The following RNGTT variants were observed in gnomAD, a reference collection of about 807,000 sequenced individuals.
RNGTT encodes the protein RNA guanylyltransferase and 5'-phosphatase.
Under a neutral mutation model 79.3 loss-of-function variants are expected in RNGTT, and 33 were observed. That is an observed-to-expected ratio of 0.42 (90% CI 0.32 to 0.56). The LOEUF is 0.56. RNGTT is among the 20% of genes least tolerant of loss of function. RNGTT has a pLI of 0.17. For missense variants in RNGTT, 497 were observed against 739.1 expected, an observed-to-expected ratio of 0.67 and a Z score of 3.80; for synonymous variants, 222 against 235.9, an observed-to-expected ratio of 0.94 and a Z score of 0.54.
At chr6:88,644,652 T>C (rs28866172) in intron 14 of RNGTT, among the ~76,000 whole-genome samples, 12,002 of 152,034 alleles carry the variant, frequency 0.079, 722 homozygotes, top group Non-Finnish European at 0.11. Flanking sequence ...AGCTTATCCA[T>C]CATGATCAAG....
intron 6 of RNGTT, among the ~76,000 whole-genome samples, chr6:88,893,334 A>G (rs1783116777): frequency 6.6e-6 from 1 of 152,094 alleles, no homozygotes; most frequent in Non-Finnish European, 1.5e-5. Flanking sequence ...GTTTTACACA[A>G]AGAAAGTCTC....
chr6:88,886,031 C>T lies in RNGTT; in HGVS notation c.896+4464G>A, dbSNP rs528828669. 1.2e-4 allele frequency among the ~76,000 whole-genome samples: 18 copies of T among 152,270 alleles called. No homozygotes were observed. In the South Asian group the frequency reaches 3.3e-3, roughly 28 times the overall value. On this transcript the variant is annotated intron_variant, in intron 8 of 15. Transcript: ENST00000369485. Reference sequence around the variant, plus strand: ...CTAAAGAATTATTGCAGAGGCCGGGCGCGGTGGCTCACACCTGTAATCCCA... The same window carrying T: ...CTAAAGAATTATTGCAGAGGCCGGGTGCGGTGGCTCACACCTGTAATCCCA...
intron 14 of RNGTT, among the ~76,000 whole-genome samples, chr6:88,626,884 T>G (rs1772653736): frequency 6.6e-6 from 1 of 152,036 alleles, no homozygotes; most frequent in Non-Finnish European, 1.5e-5. Flanking sequence ...GGTAATGACT[T>G]ACTAAACAGA....
At chr6:88,807,496 A>G (rs1020534581) in intron 11 of RNGTT, among the ~76,000 whole-genome samples, 1 of 152,294 alleles carries the variant, frequency 6.6e-6, no homozygotes, top group Middle Eastern at 3.4e-3. Flanking sequence ...GAAGAAACGT[A>G]CGTGGCACTT....
chr6:88,809,051 G>A (rs1780051823), intron 11 of RNGTT, among the ~76,000 whole-genome samples: 1 of 151,866 alleles, frequency 6.6e-6, no homozygotes, highest in Non-Finnish European at 1.5e-5. Context: ...GATGGAAAAA[G>A]ATGTCAAATT....
intron 13 of RNGTT, among the ~76,000 whole-genome samples, chr6:88,687,286 A>C (rs947163388): frequency 1.1e-4 from 16 of 152,164 alleles, no homozygotes; most frequent in African/African-American, 3.6e-4. Flanking sequence ...TGGACCACAC[A>C]TTCTGCTGGC....
intron 14 of RNGTT, among the ~76,000 whole-genome samples, chr6:88,628,884 A>C (rs1245004513): frequency 6.6e-6 from 1 of 152,204 alleles, no homozygotes; most frequent in African/African-American, 2.4e-5. Context: ...AAGGGAGTTC[A>C]GCTAATGGAG....
At chr6:88,864,340 A>C (rs1782102325) in intron 8 of RNGTT, among the ~76,000 whole-genome samples, 1 of 152,174 alleles carries the variant, frequency 6.6e-6, no homozygotes, top group Non-Finnish European at 1.5e-5. Context: ...GAAATGCAAC[A>C]AACACTAATA....
intron 14 of RNGTT, among the ~76,000 whole-genome samples, chr6:88,637,736 G>A (rs1012959364): frequency 2.0e-5 from 3 of 152,224 alleles, no homozygotes; most frequent in African/African-American, 7.2e-5. Flanking sequence ...ATCCCAAGAT[G>A]ATAAAATAAG....
chr6:88,734,700 G>T (rs2127821610), intron 13 of RNGTT, among the ~76,000 whole-genome samples: 1 of 152,256 alleles, frequency 6.6e-6, no homozygotes, highest in East Asian at 1.9e-4. Context: ...CAGTTGAAAT[G>T]ACAATTTTTC....
At chr6:88,675,842 A>G (rs1467159863) in intron 14 of RNGTT, among the ~76,000 whole-genome samples, 1 of 152,238 alleles carries the variant, frequency 6.6e-6, no homozygotes, top group Non-Finnish European at 1.5e-5. Context: ...TAAAAAATAC[A>G]AAATAGATAA....
chr6:88,939,406 T>A (rs1474396904), intron 2 of RNGTT, among the ~76,000 whole-genome samples: 2 of 152,188 alleles, frequency 1.3e-5, no homozygotes, highest in Non-Finnish European at 2.9e-5. Flanking sequence ...AGCTTTGATC[T>A]ATTTTCTATT....
chr6:88,854,931 T>C (rs932813370), intron 8 of RNGTT, among the ~76,000 whole-genome samples: 3 of 152,020 alleles, frequency 2.0e-5, no homozygotes, highest in Non-Finnish European at 4.4e-5. Context: ...GGGGTGAAAA[T>C]GAAGATCAAA....
chr6:88,795,522 G>C (rs146978448), intron 12 of RNGTT, among the ~76,000 whole-genome samples: 2 of 152,178 alleles, frequency 1.3e-5, no homozygotes, highest in African/African-American at 4.8e-5. Context: ...TCACACACTG[G>C]GGCATGTTGT....
intron 13 of RNGTT, among the ~76,000 whole-genome samples, chr6:88,694,769 T>C (rs1306223688): frequency 2.0e-5 from 3 of 152,230 alleles, no homozygotes; most frequent in South Asian, 2.1e-4. Flanking sequence ...TGGAAGAGAA[T>C]AGACAGCTCA....
intron 8 of RNGTT, among the ~76,000 whole-genome samples, chr6:88,857,108 ACCAAAACTG>A (rs1432562955): frequency 2.0e-5 from 3 of 152,136 alleles, no homozygotes; most frequent in Non-Finnish European, 4.4e-5. Flanking sequence ...CAGGTTTTCT[ACCAAAACTG>A]GAAATAATCT....
At chr6:88,666,304 G>A (rs1350328595) in intron 14 of RNGTT, among the ~76,000 whole-genome samples, 4 of 152,214 alleles carry the variant, frequency 2.6e-5, no homozygotes, top group African/African-American at 9.6e-5. Flanking sequence ...ACGTAAGGCC[G>A]TGGCTGAGGC....
chr6:88,826,090 T>C (rs1780647191), intron 11 of RNGTT, among the ~76,000 whole-genome samples: 1 of 152,218 alleles, frequency 6.6e-6, no homozygotes, highest in South Asian at 2.1e-4. Flanking sequence ...GCACTTATCT[T>C]ACAATGACAA....
At chr6:88,828,611 G>A (rs568158909) in intron 11 of RNGTT, among the ~76,000 whole-genome samples, 70 of 152,200 alleles carry the variant, frequency 4.6e-4, no homozygotes, top group Admixed American at 1.2e-3. Context: ...AAAGAAGCAT[G>A]TTCTAACCCA....
Sources: gnomAD v4.1 joint callset for allele counts (sites outside exome capture counted in the v4.1 genomes callset) on GRCh38, gnomAD v4.1.1 for gene constraint, MANE v1.5 for transcripts, NCBI Gene and HGNC (gene_info 2026-07-23, HGNC 2026-07-21) for gene names.